FAM169A: variants seen among roughly 807,000 people sequenced by gnomAD.
The protein encoded by FAM169A is soluble lamin-associated protein of 75 kDa.
In FAM169A, 24 loss-of-function variants were observed where a neutral mutation model predicts 75.7. The ratio of observed to expected loss-of-function variants is 0.32; its 90% confidence interval spans 0.23 to 0.45. The LOEUF (loss-of-function observed/expected upper bound fraction) is 0.45, where lower values mean the gene tolerates loss of function less well. FAM169A is among the 20% of genes least tolerant of loss of function. FAM169A has a pLI of 1.00. For missense variants in FAM169A, 673 were observed against 784.0 expected, an observed-to-expected ratio of 0.86 and a Z score of 1.69; for synonymous variants, 271 against 271.0, an observed-to-expected ratio of 1.00 and a Z score of 0.00.
chr5:74,795,575 T>C (rs1403351212), intron 11 of FAM169A, among the ~76,000 whole-genome samples: 2 of 152,220 alleles, frequency 1.3e-5, no homozygotes, highest in African/African-American at 4.8e-5. Context: ...TTCCAGAACT[T>C]TGTGAGATCA....
At chr5:74,850,212 G>A (rs553239287) in intron 1 of FAM169A, among the ~76,000 whole-genome samples, 2 of 152,308 alleles carry the variant, frequency 1.3e-5, no homozygotes, top group South Asian at 4.1e-4. Context: ...ACTTGTTCAA[G>A]GCCACACTAC....
intron 11 of FAM169A, among the ~76,000 whole-genome samples, chr5:74,789,607 C>T (rs1745873088): frequency 6.6e-6 from 1 of 152,226 alleles, no homozygotes; most frequent in African/African-American, 2.4e-5. Context: ...CCATATGATC[C>T]AGCAGATCTA....
intron 11 of FAM169A, among the ~76,000 whole-genome samples, chr5:74,784,510 C>CAAAA (rs200414695): frequency 0.05 from 1,493 of 29,844 alleles, 224 homozygotes; most frequent in East Asian, 0.14. Context: ...GACTCCGTCT[C>CAAAA]AAAAAAAAAA....
At chr5:74,818,928 G>A (rs921209260) in intron 5 of FAM169A, among the ~76,000 whole-genome samples, 18 of 151,970 alleles carry the variant, frequency 1.2e-4, no homozygotes, top group African/African-American at 3.6e-4. Flanking sequence ...AATTAAAAAT[G>A]ACAAACGATG....
chr5:74,814,878 CTAT>C (rs1350357271), intron 5 of FAM169A, among the ~76,000 whole-genome samples: 3 of 152,086 alleles, frequency 2.0e-5, no homozygotes, highest in Non-Finnish European at 4.4e-5. Flanking sequence ...AGTCATTATT[CTAT>C]TATTTTTGCC....
chr5:74,782,027 G>T lies in FAM169A; in HGVS notation c.1465-19C>A. ...GTGGGGTCTGAAAATTAAAAACCTGGTCAACAAATAAACTTGTACTACAGT... is the reference window on the plus strand; with the variant it reads ...GTGGGGTCTGAAAATTAAAAACCTGTTCAACAAATAAACTTGTACTACAGT... On this transcript the variant is annotated intron_variant, in intron 12 of 12. Transcript: ENST00000687041. The T allele has an allele frequency of 6.3e-7, 1 of 1,577,172 alleles. No individual in the cohort carries two copies. The highest frequency in any genetic ancestry group is 8.6e-7 in the Non-Finnish European group (1 of 1,158,890).
intron 1 of FAM169A, among the ~76,000 whole-genome samples, chr5:74,844,842 T>G (rs1018884547): frequency 3.3e-5 from 5 of 151,998 alleles, no homozygotes; most frequent in African/African-American, 1.2e-4. Flanking sequence ...AAAAATAAAC[T>G]TATGATCTAA....
chr5:74,841,495 G>T, intron 2 of FAM169A, 50 bp downstream of exon 2: 16 of 1,399,136 alleles, frequency 1.1e-5, no homozygotes, highest in Non-Finnish European at 1.4e-5. Flanking sequence ...TTTATTTCAT[G>T]TATAAACTGA....
intron 1 of FAM169A, among the ~76,000 whole-genome samples, chr5:74,861,830 T>C (rs1346935338): frequency 6.6e-6 from 1 of 152,212 alleles, no homozygotes; most frequent in Non-Finnish European, 1.5e-5. Context: ...TTGGGTGATA[T>C]TATCATTATG....
At chr5:74,828,858 G>A (rs573678091) in intron 5 of FAM169A, among the ~76,000 whole-genome samples, 1 of 152,074 alleles carries the variant, frequency 6.6e-6, no homozygotes, top group South Asian at 2.1e-4. Flanking sequence ...AGAGGCTGAG[G>A]CACGTGTTCA....
chr5:74,806,910 T>C (rs1746913071), intron 6 of FAM169A, among the ~76,000 whole-genome samples: 1 of 152,086 alleles, frequency 6.6e-6, no homozygotes, highest in Admixed American at 6.6e-5. Context: ...ATAAAGATGA[T>C]AAACCTCACT....
intron 7 of FAM169A, 77 bp downstream of exon 7, chr5:74,805,079 T>C: frequency 7.8e-7 from 1 of 1,278,800 alleles, no homozygotes; most frequent in East Asian, 2.3e-5. Context: ...CTTTTTAAAC[T>C]GGACTTATGG....
At chr5:74,842,251 T>C (rs1185369457) in intron 1 of FAM169A, among the ~76,000 whole-genome samples, 1 of 151,466 alleles carries the variant, frequency 6.6e-6, no homozygotes, top group Non-Finnish European at 1.5e-5. Context: ...TGAAACCCCA[T>C]CTCTACTAAA....
chr5:74,787,217 G>A (rs938769212), intron 11 of FAM169A, among the ~76,000 whole-genome samples: 4 of 152,166 alleles, frequency 2.6e-5, no homozygotes, highest in South Asian at 2.1e-4. Context: ...CATAGAGTTC[G>A]ATCAGGCTGA....
At chr5:74,853,468 C>A (rs559998232) in intron 1 of FAM169A, among the ~76,000 whole-genome samples, 2 of 152,064 alleles carry the variant, frequency 1.3e-5, no homozygotes, top group Non-Finnish European at 2.9e-5. Context: ...TAGGAAGTGG[C>A]CAAGTCCAGC....
intron 1 of FAM169A, among the ~76,000 whole-genome samples, chr5:74,858,166 T>C (rs1453484040): frequency 2.0e-5 from 3 of 150,602 alleles, no homozygotes; most frequent in Non-Finnish European, 4.4e-5. Flanking sequence ...GGCAGGCAGG[T>C]CACGAGATCA....
chr5:74,838,907 C>A, intron 4 of FAM169A, 58 bp downstream of exon 4: 1 of 1,176,844 alleles, frequency 8.5e-7, no homozygotes, highest in Non-Finnish European at 1.3e-6. Context: ...TCACTGTTTA[C>A]AGGAAACACT....
chr5:74,866,421 C>T (rs1419060402), upstream of FAM169A: 8 of 961,968 alleles, frequency 8.3e-6, no homozygotes, highest in East Asian at 5.8e-4. Context: ...CGCTTCCGCT[C>T]CGCGCCCGCG....
chr5:74,782,603 T>A (rs1745468778), intron 12 of FAM169A, among the ~76,000 whole-genome samples: 1 of 152,220 alleles, frequency 6.6e-6, no homozygotes, highest in Admixed American at 6.5e-5. Context: ...TATAAATTAC[T>A]GTTTTGGTCA....
Sources: gnomAD v4.1 joint callset for allele counts (sites outside exome capture counted in the v4.1 genomes callset) on GRCh38, gnomAD v4.1.1 for gene constraint, MANE v1.5 for transcripts, NCBI Gene and HGNC (gene_info 2026-07-23, HGNC 2026-07-21) for gene names.